The following NCOA6 variants were observed in gnomAD, a reference collection of about 807,000 sequenced individuals.
NCOA6 encodes the protein nuclear receptor coactivator 6.
Under a neutral mutation model 171.4 loss-of-function variants are expected in NCOA6, and 49 were observed. The observed-to-expected ratio is 0.29, with a 90% CI of 0.23 to 0.36. The LOEUF is 0.36. Among genes scored for constraint, NCOA6 ranks in the 10% least tolerant of loss-of-function variants. The probability of loss-of-function intolerance (pLI) is 1.00; values close to 1 mark genes in which losing one functional copy is unlikely to be tolerated. For synonymous variants in NCOA6, 910 were observed against 927.5 expected (o/e 0.98, Z 0.34); for missense variants, 2,248 against 2,554.5 (o/e 0.88, Z 2.59).
intron 14 of NCOA6, among the ~76,000 whole-genome samples, chr20:34,720,754 T>C (rs1181541258): frequency 6.6e-6 from 1 of 152,234 alleles, no homozygotes; most frequent in African/African-American, 2.4e-5. Context: ...CAGCACTGCA[T>C]ATGTCCCCAC....
Position 34,757,324 on chromosome 20 carries a change from C to G in NCOA6, c.1424G>C (p.Gly475Ala). The change falls in exon 7 of 15, where the codon GGT becomes GCT. Residue 475 changes from glycine to alanine, a missense_variant. Gly to Ala is a moderately conservative substitution (Grantham distance 60, BLOSUM62 0). Coordinates refer to ENST00000359003, the MANE Select transcript of NCOA6 (RefSeq NM_014071.5). ...QGFQQPVSSP[G>A]RNPMVQQGNV... Reference sequence around the variant, plus strand: ...TCCCTGTTGAACCATAGGATTCCGACCCGGAGAGCTGACAGGCTGCTGAAA... The same window carrying G: ...TCCCTGTTGAACCATAGGATTCCGAGCCGGAGAGCTGACAGGCTGCTGAAA... The G allele has an allele frequency of 2.5e-6, 4 of 1,614,148 alleles. No individual in the cohort carries two copies. Among genetic ancestry groups the G allele is most frequent in the Non-Finnish European group, 2.5e-6 (3 of 1,180,008 alleles).
intron 14 of NCOA6, among the ~76,000 whole-genome samples, chr20:34,718,315 T>G (rs1988857693): frequency 6.6e-6 from 1 of 152,118 alleles, no homozygotes; most frequent in African/African-American, 2.4e-5. Flanking sequence ...AAACTTGGGA[T>G]TTTCACCTCC....
chr20:34,817,168 T>A (rs1263067657), intron 1 of NCOA6, among the ~76,000 whole-genome samples: 1,631 of 101,096 alleles, frequency 0.016, 348 homozygotes, highest in Middle Eastern at 0.038. Context: ...AAAATGTATA[T>A]AAATGGGTAC....
chr20:34,718,770 C>T (rs1244583707), intron 14 of NCOA6, among the ~76,000 whole-genome samples: 1 of 152,078 alleles, frequency 6.6e-6, no homozygotes, highest in African/African-American at 2.4e-5. Flanking sequence ...CCTCCCAGAA[C>T]GTTAGGATTA....
At chr20:34,748,645 T>C (rs886477163) in intron 9 of NCOA6, among the ~76,000 whole-genome samples, 2 of 152,204 alleles carry the variant, frequency 1.3e-5, no homozygotes, top group Non-Finnish European at 2.9e-5. Flanking sequence ...CTTCAGGAAA[T>C]GAAATATAAA....
intron 3 of NCOA6, among the ~76,000 whole-genome samples, chr20:34,781,606 C>T (rs1408320152): frequency 6.6e-6 from 1 of 152,200 alleles, no homozygotes; most frequent in African/African-American, 2.4e-5. Context: ...CAATGAAACT[C>T]AAACACTGAA....
At chr20:34,750,606 A>C in intron 8 of NCOA6, 87 bp from the exon 9 acceptor site, 1 of 1,347,392 alleles carries the variant, frequency 7.4e-7, no homozygotes, top group Non-Finnish European at 9.9e-7. Flanking sequence ...ACTCAGAAAG[A>C]CATCCATCAC....
At chr20:34,782,067 G>A in intron 3 of NCOA6, 54 bp downstream of exon 3, 1 of 1,260,428 alleles carries the variant, frequency 7.9e-7, no homozygotes, top group Non-Finnish European at 1.1e-6. Context: ...AACCATGGAA[G>A]GGCAAACATT....
At chr20:34,782,793 A>T (rs1247602531) in intron 2 of NCOA6, among the ~76,000 whole-genome samples, 1 of 152,198 alleles carries the variant, frequency 6.6e-6, no homozygotes, top group Non-Finnish European at 1.5e-5. Context: ...TCTTGACAAA[A>T]GCTTAAAAGG....
chr20:34,782,712 C>T (rs1601007230), intron 2 of NCOA6, among the ~76,000 whole-genome samples: 1 of 152,222 alleles, frequency 6.6e-6, no homozygotes, highest in Non-Finnish European at 1.5e-5. Context: ...CAAGTACATA[C>T]TTTTTGAGAA....
chr20:34,791,634 G>T (rs2077889492), intron 2 of NCOA6, among the ~76,000 whole-genome samples: 1 of 152,116 alleles, frequency 6.6e-6, no homozygotes, highest in Non-Finnish European at 1.5e-5. Context: ...TCAGTAACTT[G>T]CAAATGTCAG....
chr20:34,727,876 A>G (rs1279716857), intron 13 of NCOA6, among the ~76,000 whole-genome samples: 1 of 151,858 alleles, frequency 6.6e-6, no homozygotes, highest in African/African-American at 2.4e-5. Flanking sequence ...GCCATGTGAC[A>G]CCACGCCCTG....
intron 5 of NCOA6, among the ~76,000 whole-genome samples, chr20:34,766,851 C>T (rs988842924): frequency 6.6e-6 from 1 of 152,194 alleles, no homozygotes; most frequent in African/African-American, 2.4e-5. Flanking sequence ...CTATATCTAA[C>T]TTGGCTAGGC....
chr20:34,754,608 T>C lies in NCOA6; in HGVS notation c.1675+114A>G, dbSNP rs567423432. ...CTGAAAGAATAATTATTTATGGGCT[T>C]GAAATTAAGGGGAGAGACCAAGACT... On this transcript the variant is annotated intron_variant, in intron 8 of 14. Transcript: ENST00000359003. 2.9e-5 allele frequency: 37 copies of C among 1,260,332 alleles called. No homozygotes were observed. The South Asian group carries it at 5.7e-4, about 20-fold the overall frequency. 78.1% of individuals were successfully genotyped at this position (1,260,332 alleles called of 1,614,324 possible).
At chr20:34,776,547 G>T in intron 3 of NCOA6, 99 bp from the exon 4 acceptor site, 2 of 1,360,078 alleles carry the variant, frequency 1.5e-6, no homozygotes, top group Non-Finnish European at 2.1e-6. Context: ...ATAAGGTGGA[G>T]CACCAGCTTG....
intron 11 of NCOA6, among the ~76,000 whole-genome samples, chr20:34,737,707 A>T (rs956790465): frequency 6.6e-6 from 1 of 152,218 alleles, no homozygotes; most frequent in Non-Finnish European, 1.5e-5. Context: ...CTCAGTCTAA[A>T]ATCCTAGATA....
chr20:34,742,396 G>C lies in NCOA6; in HGVS notation c.3860C>G (p.Pro1287Arg). Reference protein sequence around the residue: ...PTTLKAIGQAPSNLTMNPSNF... With the variant: ...PTTLKAIGQARSNLTMNPSNF... Reference sequence around the variant, plus strand: ...GGAAGGATTCATGGTAAGATTTGAAGGTGCTTGCCCGATGGCCTTCAAAGT... The same window carrying C: ...GGAAGGATTCATGGTAAGATTTGAACGTGCTTGCCCGATGGCCTTCAAAGT... Residue 1287 changes from proline to arginine, a missense_variant, in exon 11 of 15, where the codon CCT becomes CGT. Transcript: ENST00000359003. 1 of 1,614,214 alleles carries C rather than the reference G, an allele frequency of 6.2e-7. No homozygotes were observed. The highest frequency in any genetic ancestry group is 8.5e-7 in the Non-Finnish European group (1 of 1,180,046).
chr20:34,803,003 G>T (rs1446499574), intron 1 of NCOA6, among the ~76,000 whole-genome samples: 5 of 151,828 alleles, frequency 3.3e-5, no homozygotes, highest in Non-Finnish European at 7.4e-5. Context: ...TAGAGACAGG[G>T]TTTTATCATG....
intron 4 of NCOA6, among the ~76,000 whole-genome samples, chr20:34,775,038 A>C (rs2146073454): frequency 6.6e-6 from 1 of 152,162 alleles, no homozygotes; most frequent in African/African-American, 2.4e-5. Context: ...AGCAGGCATG[A>C]ACTAGGGGAA....
Sources: allele counts gnomAD v4.1 joint callset (sites outside exome capture counted in the v4.1 genomes callset), GRCh38; gene constraint gnomAD v4.1.1; transcripts MANE v1.5; gene names NCBI Gene and HGNC (gene_info 2026-07-23, HGNC 2026-07-21).